The following IGF1R variants were observed in gnomAD, a reference collection of about 807,000 sequenced individuals.
The protein encoded by IGF1R is insulin like growth factor 1 receptor, also known as insulin-like growth factor 1 receptor.
IGF1R carries 44 observed loss-of-function variants against 144.6 expected under a neutral mutation model. The observed-to-expected ratio is 0.30, with a 90% CI of 0.24 to 0.39. The LOEUF is 0.39. IGF1R is among the 10% of genes least tolerant of loss of function. The probability of loss-of-function intolerance (pLI) is 1.00; values close to 1 mark genes in which losing one functional copy is unlikely to be tolerated. For missense variants in IGF1R, 1,355 were observed against 1,833.7 expected, an observed-to-expected ratio of 0.74 and a Z score of 4.77; for synonymous variants, 795 against 722.8, an observed-to-expected ratio of 1.10 and a Z score of -1.60.
intron 5 of IGF1R, among the ~76,000 whole-genome samples, chr15:98,905,891 G>A (rs557105144): frequency 6.6e-6 from 1 of 152,230 alleles, no homozygotes; most frequent in African/African-American, 2.4e-5. Context: ...GGAATTTAGC[G>A]GGGAGCCTTG....
At position 98,924,602 on chromosome 15, in the gene IGF1R, C is replaced by G. The variant is rs56400113; in HGVS notation, c.2700C>G (p.Asn900Lys). 6 of 1,614,038 alleles carry G rather than the reference C, an allele frequency of 3.7e-6. No homozygotes were observed. Among genetic ancestry groups the G allele is most frequent in the Non-Finnish European group, 5.1e-6 (6 of 1,179,894 alleles). ...GAKLNRLNPG[N>K]YTARIQATSL... ...AGCTAAACCGGCTAAACCCGGGGAA[C>G]TACACAGCCCGGATTCAGGCCACAT... The change falls in exon 13 of 21, where the codon AAC becomes AAG. Residue 900 changes from asparagine to lysine, a missense_variant. Physicochemically the swap from Asn to Lys is moderately conservative, Grantham distance 94 (BLOSUM62 0). This residue lies in a region of IGF1R where 880 missense variants were observed against 1,202.7 expected (regional missense o/e 0.73). Transcript: ENST00000650285.
chr15:98,893,484 C>G (rs552661931), intron 3 of IGF1R: 9 of 152,208 alleles, frequency 5.9e-5, no homozygotes, highest in Non-Finnish European at 1.3e-4. Flanking sequence ...TGGCAGCCTT[C>G]GAGTGTAAAA....
intron 2 of IGF1R, among the ~76,000 whole-genome samples, chr15:98,879,705 A>AT (rs558879311): frequency 1.8e-4 from 28 of 152,292 alleles, no homozygotes; most frequent in African/African-American, 6.7e-4. Flanking sequence ...TGTACCTGTG[A>AT]TTTTATCACT....
chr15:98,780,578 G>A (rs55932494), intron 2 of IGF1R, among the ~76,000 whole-genome samples: 303 of 9,320 alleles, frequency 0.033, 43 homozygotes, highest in African/African-American at 0.039. Context: ...AAAAAAAAGA[G>A]AGAGAGAGTA....
intron 2 of IGF1R, among the ~76,000 whole-genome samples, chr15:98,791,840 T>G (rs1212719220): frequency 1.3e-5 from 2 of 152,208 alleles, no homozygotes; most frequent in African/African-American, 4.8e-5. Flanking sequence ...TTATTTCACA[T>G]AAATACAGAC....
At chr15:98,829,111 C>T (rs958893368) in intron 2 of IGF1R, among the ~76,000 whole-genome samples, 2 of 152,022 alleles carry the variant, frequency 1.3e-5, no homozygotes, top group South Asian at 2.1e-4. Context: ...TAAAAATAAC[C>T]GCCAATTCAG....
At chr15:98,861,390 C>T (rs998686415) in intron 2 of IGF1R, among the ~76,000 whole-genome samples, 1 of 152,154 alleles carries the variant, frequency 6.6e-6, no homozygotes, top group Non-Finnish European at 1.5e-5. Flanking sequence ...TGCTGACCCG[C>T]GTAGGGAGGA....
intron 6 of IGF1R, among the ~76,000 whole-genome samples, chr15:98,910,012 T>C (rs1596434849): frequency 6.6e-6 from 1 of 152,176 alleles, no homozygotes; most frequent in African/African-American, 2.4e-5. Flanking sequence ...GAAGGGTGAT[T>C]TGTGCGTGTG....
Position 98,899,529 on chromosome 15 carries a change from G to A in IGF1R, c.1155G>A (p.Thr385=), listed in dbSNP as rs369896687. 7.7e-5 allele frequency: 125 copies of A among 1,614,124 alleles called. No individual in the cohort carries two copies. The South Asian group carries it at 7.8e-4, about 10-fold the overall frequency. Residue 385 remains threonine, a synonymous_variant, in exon 5 of 21, where the codon ACG becomes ACA. Transcript: ENST00000650285. The part of the protein sequence containing the change: ...ENFMGLIEVV[T]GYVKIRHSHA... ...TCATGGGGCTCATCGAGGTGGTGACGGGCTACGTGAAGATCCGCCATTCTC... is the reference window on the plus strand; with the variant it reads ...TCATGGGGCTCATCGAGGTGGTGACAGGCTACGTGAAGATCCGCCATTCTC...
chr15:98,827,725 T>G (rs764563887), intron 2 of IGF1R, among the ~76,000 whole-genome samples: 5 of 152,174 alleles, frequency 3.3e-5, no homozygotes, highest in Non-Finnish European at 5.9e-5. Flanking sequence ...TGGGATTACA[T>G]GCGCACGCCA....
rs1195168446 is a variant in IGF1R, at chr15:98,649,520, CTTTTCTTT to C, written c.-57_-50del. The stretch of plus-strand genomic sequence containing the variant: ...TCCTTTCATTTCCTTTTTTTCTTTT[CTTTTCTTT>C]TTTTTTTTTTTTTTTTTTTTTGAGA... On this transcript the variant is annotated 5_prime_UTR_variant, in exon 1 of 21. Transcript: ENST00000650285. The C allele has an allele frequency of 4.5e-4, 387 of 857,798 alleles. No homozygotes were observed. Among genetic ancestry groups the C allele is most frequent in the African/African-American group, 7.9e-4 (30 of 38,104 alleles). The allele number at this position is 857,798 out of a possible 1,614,324, so 53.1% of individuals were successfully genotyped here.
At chr15:98,816,501 C>T (rs1345739713) in intron 2 of IGF1R, among the ~76,000 whole-genome samples, 1 of 152,160 alleles carries the variant, frequency 6.6e-6, no homozygotes, top group Non-Finnish European at 1.5e-5. Context: ...TTCTCTTGTG[C>T]CAGTAGGACT....
chr15:98,661,955 C>CTTTTTTTTTTTTTTTTTTTT (rs1567062333), intron 1 of IGF1R, among the ~76,000 whole-genome samples: 1 of 108,204 alleles, frequency 9.2e-6, no homozygotes, highest in African/African-American at 4.2e-5. Context: ...TGAATAGGGC[C>CTTTTTTTTTTTTTTTTTTTT]CTTTTTTTTT....
At chr15:98,712,591 T>G (rs1482423257) in intron 2 of IGF1R, among the ~76,000 whole-genome samples, 5 of 141,910 alleles carry the variant, frequency 3.5e-5, no homozygotes, top group Admixed American at 2.9e-4. Flanking sequence ...CACCGAGCAC[T>G]GGGGAGCTTT....
intron 1 of IGF1R, among the ~76,000 whole-genome samples, chr15:98,682,368 A>G (rs1345178981): frequency 6.6e-6 from 1 of 152,152 alleles, no homozygotes; most frequent in Non-Finnish European, 1.5e-5. Flanking sequence ...CGACCTTCAC[A>G]TTGAAGAAGC....
In IGF1R at chr15:98,961,260, A is replaced by C. The variant is rs767767634; in HGVS notation, c.*3818A>C. The C allele has an allele frequency of 5.6e-5, 13 of 233,584 alleles. No individual in the cohort carries two copies. Among genetic ancestry groups the C allele is most frequent in the Non-Finnish European group, 1.1e-4 (13 of 118,026 alleles). 14.5% of individuals were successfully genotyped at this position (233,584 alleles called of 1,614,324 possible). On this transcript the variant is annotated 3_prime_UTR_variant, in exon 21 of 21. Transcript: ENST00000650285. ...CCGGTTTCCACAACTGGATTTCTAC[A>C]GATCATTCAGCTGGTTATAAGGGTT...
At chr15:98,736,617 C>T (rs1849554) in intron 2 of IGF1R, among the ~76,000 whole-genome samples, 77,254 of 132,402 alleles carry the variant, frequency 0.58, 21,522 homozygotes, top group Non-Finnish European at 0.63. Flanking sequence ...TTTCTTTTTT[C>T]TTTTTTTTTT....
chr15:98,799,529 T>C (rs745998430), intron 2 of IGF1R, among the ~76,000 whole-genome samples: 53 of 152,376 alleles, frequency 3.5e-4, no homozygotes, highest in South Asian at 1.4e-3. Context: ...GTTAGAGTTA[T>C]TGTGATTTAA....
chr15:98,710,198 AG>A (rs1334950873), intron 2 of IGF1R, among the ~76,000 whole-genome samples: 1 of 152,126 alleles, frequency 6.6e-6, no homozygotes, highest in Admixed American at 6.5e-5. Context: ...TGCTTCCCCA[AG>A]GCCACGCCCT....
Sources: gnomAD v4.1 joint callset for allele counts (sites outside exome capture counted in the v4.1 genomes callset) on GRCh38, gnomAD v4.1.1 for gene constraint, gnomAD v4.1.1 regional missense constraint, MANE v1.5 for transcripts, NCBI Gene and HGNC (gene_info 2026-07-23, HGNC 2026-07-21) for gene names.